Variants in HTT observed in about 807,000 individuals in gnomAD.
HTT encodes huntington disease protein.
HTT carries 104 observed loss-of-function variants against 362.3 expected under a neutral mutation model. The observed-to-expected ratio is 0.29, with a 90% confidence interval of 0.24 to 0.34. The LOEUF (loss-of-function observed/expected upper bound fraction) is 0.34. Ranked by LOEUF, HTT falls within the 10% of genes least tolerant of loss-of-function variation. The pLI is 1.00. For missense variants in HTT, 3,301 were observed against 3,928.6 expected, an observed-to-expected ratio of 0.84 and a Z score of 4.27; for synonymous variants, 1,577 against 1,548.7, an observed-to-expected ratio of 1.02 and a Z score of -0.43.
Position 3,130,346 on chromosome 4 carries a change from A to C in HTT, c.1909A>C (p.Arg637=). The part of the protein sequence containing the change: ...AHLLKNMSHC[R]QPSDSSVDKF... The stretch of plus-strand genomic sequence containing the variant: ...TTTATTGAAAAACATGAGTCACTGC[A>C]GGCAGCCTTCTGACAGCAGTGTTGA... Residue 637 remains arginine (R), a synonymous_variant, in exon 14 of 67, where the codon AGG becomes CGG. Coordinates refer to ENST00000355072, the MANE Select transcript of HTT (RefSeq NM_001388492.1). The C allele has an allele frequency of 1.2e-6, 2 of 1,607,542 alleles. No homozygotes were observed. Among genetic ancestry groups the C allele is most frequent in the Non-Finnish European group, 1.7e-6 (2 of 1,175,792 alleles).
chr4:3,091,876 A>G (rs1232006898), intron 2 of HTT, among the ~76,000 whole-genome samples: 4 of 152,240 alleles, frequency 2.6e-5, no homozygotes, highest in Non-Finnish European at 5.9e-5. Flanking sequence ...AGATTATTAT[A>G]TGTCTGACCT....
At chr4:3,167,031 G>T (rs995508117) in intron 29 of HTT, among the ~76,000 whole-genome samples, 1 of 152,220 alleles carries the variant, frequency 6.6e-6, no homozygotes, top group Non-Finnish European at 1.5e-5. Flanking sequence ...CGATCTCACT[G>T]GGAGCTGTAG....
At chr4:3,190,077 C>T (rs1013094881) in intron 40 of HTT, among the ~76,000 whole-genome samples, 1 of 152,072 alleles carries the variant, frequency 6.6e-6, no homozygotes. Flanking sequence ...ATCACAGTGG[C>T]TTATGCCTGT....
Position 3,229,012 on chromosome 4 carries a change from A to G in HTT, c.8109+3A>G, listed in dbSNP as rs1341851116. ...TGATCAGTGAGGTGGTCAGATCCGT[A>G]AGTGAGCCTTCCCATTCCCCTCACA... On this transcript the variant is annotated splice_donor_region_variant and intron_variant, in intron 59 of 66. Transcript: ENST00000355072. 1 of 1,610,748 alleles carries G rather than the reference A, an allele frequency of 6.2e-7. No homozygotes were observed. Among genetic ancestry groups the G allele is most frequent in the Non-Finnish European group, 8.5e-7 (1 of 1,177,366 alleles).
chr4:3,084,429 C>G (rs1051546859), intron 1 of HTT, among the ~76,000 whole-genome samples: 1 of 152,090 alleles, frequency 6.6e-6, no homozygotes, highest in African/African-American at 2.4e-5. Flanking sequence ...TGGCTCATGC[C>G]TGTAATCCCA....
chr4:3,137,086 T>C (rs1042042226), intron 21 of HTT, among the ~76,000 whole-genome samples: 1 of 152,020 alleles, frequency 6.6e-6, no homozygotes, highest in Non-Finnish European at 1.5e-5. Flanking sequence ...TTTTGTATTT[T>C]TAGTAGAGAC....
chr4:3,233,238 G>A lies in HTT; in HGVS notation c.8341G>A (p.Gly2781Arg). 6.2e-7 allele frequency: 1 copy of A among 1,609,212 alleles called. No individual in the cohort carries two copies. Among genetic ancestry groups the A allele is most frequent in the Non-Finnish European group, 8.5e-7 (1 of 1,176,450 alleles). Residue 2781 changes from glycine (G) to arginine (R), a missense_variant, in exon 61 of 67, where the codon GGA becomes AGA. Physicochemically the swap from Gly to Arg is moderately radical, Grantham distance 125. Transcript: ENST00000355072. ...LRSSHLPSRV[G>R]ALHGVLYVLE... is the part of the protein sequence containing the mutation. ...GAGCAGCCACCTGCCCAGCAGGGTT[G>A]GAGCCCTGCACGGCGTCCTCTATGT...
chr4:3,114,314 A>G (rs552551916), intron 6 of HTT, among the ~76,000 whole-genome samples: 3 of 152,330 alleles, frequency 2.0e-5, no homozygotes, highest in Admixed American at 2.0e-4. Context: ...CATTAGGGCC[A>G]TTATGAACAT....
intron 28 of HTT, among the ~76,000 whole-genome samples, chr4:3,159,598 G>C (rs895582646): frequency 1.3e-5 from 2 of 152,222 alleles, no homozygotes; most frequent in Non-Finnish European, 2.9e-5. Context: ...TCTGTCTCTT[G>C]CCTGCTTCTG....
chr4:3,117,186 C>T (rs1270409385), intron 8 of HTT, among the ~76,000 whole-genome samples: 2 of 152,032 alleles, frequency 1.3e-5, no homozygotes, highest in Non-Finnish European at 2.9e-5. Context: ...AACCAGCTGC[C>T]CTTTGGTTAT....
chr4:3,182,338 G>A lies in HTT; in HGVS notation c.4750-16G>A. ...TCTCTTGGCAGCAGACTTTCTAATT[G>A]TGCACGCTCTTATAGGTGTTGGAGA... On this transcript the variant is annotated splice_polypyrimidine_tract_variant and intron_variant, in intron 36 of 66. Coordinates refer to ENST00000355072, the MANE Select transcript of HTT (RefSeq NM_001388492.1). 6.4e-7 allele frequency: 1 copy of A among 1,553,320 alleles called. No individual in the cohort carries two copies.
At chr4:3,227,053 C>T (rs1038052721) in intron 57 of HTT, among the ~76,000 whole-genome samples, 2 of 152,224 alleles carry the variant, frequency 1.3e-5, no homozygotes, top group Non-Finnish European at 2.9e-5. Context: ...TCACTGGGTG[C>T]CTCTGGCCTT....
At chr4:3,150,050 C>G (rs1716801033) in intron 26 of HTT, among the ~76,000 whole-genome samples, 1 of 152,184 alleles carries the variant, frequency 6.6e-6, no homozygotes, top group Admixed American at 6.5e-5. Flanking sequence ...GTTCCCTTAC[C>G]CACTTGCCAC....
At chr4:3,090,338 G>A (rs1211647277) in intron 2 of HTT, among the ~76,000 whole-genome samples, 23 of 152,174 alleles carry the variant, frequency 1.5e-4, no homozygotes, top group Admixed American at 1.5e-3. Context: ...AGTAATGAAG[G>A]CACCTCACTG....
rs201724304 is a variant in HTT at position 3,121,430 on chromosome 4, T to C, written c.1271T>C (p.Ile424Thr). Reference sequence around the variant, plus strand: ...CGTAGTGGGAGTATTGTGGAACTTATAGGCAAGTTATTAGCAAGGTCTACT... The same window carrying C: ...CGTAGTGGGAGTATTGTGGAACTTACAGGCAAGTTATTAGCAAGGTCTACT... ...RSRSGSIVEL[I>T]AGGGSSCSPV... The change falls in exon 9 of 67, where the codon ATA becomes ACA. Residue 424 changes from isoleucine to threonine, a missense_variant and splice_region_variant. Physicochemically the swap from Ile to Thr is moderately conservative, Grantham distance 89 (BLOSUM62 -1). Coordinates refer to ENST00000355072, the MANE Select transcript of HTT (RefSeq NM_001388492.1). 1.8e-5 allele frequency: 29 copies of C among 1,608,996 alleles called. No homozygotes were observed. Among genetic ancestry groups the C allele is most frequent in the African/African-American group, 4.0e-5 (3 of 74,848 alleles).
intron 26 of HTT, among the ~76,000 whole-genome samples, chr4:3,153,176 G>A (rs1007571937): frequency 6.6e-6 from 1 of 152,096 alleles, no homozygotes; most frequent in African/African-American, 2.4e-5. Flanking sequence ...CATGTGGTGA[G>A]GGGGTGAGGA....
rs1338001820 is a variant in HTT, at chr4:3,074,931, CAGCAA to C, written c.107_111del (p.Gln36ProfsTer45). 336 of 1,490,768 alleles carry C rather than the reference CAGCAA, an allele frequency of 2.3e-4. 1 individual carries two copies. In the African/African-American group the frequency reaches 4.5e-3, roughly 20 times the overall value. 92.3% of individuals were successfully genotyped at this position (1,490,768 alleles called of 1,614,324 possible). Reference sequence around the variant, plus strand: ...GCAGCAGCAGCAGCAGCAGCAGCAGCAGCAACAGCCGCCACCGCCGCCGCCGCCGC... The same window carrying C: ...GCAGCAGCAGCAGCAGCAGCAGCAGCCAGCCGCCACCGCCGCCGCCGCCGC... On this transcript the variant is annotated frameshift_variant, in exon 1 of 67. Transcript: ENST00000355072. LOFTEE classifies it high-confidence loss of function.
chr4:3,144,981 G>C (rs1197118374), intron 23 of HTT, among the ~76,000 whole-genome samples, 171 bp from the exon 24 acceptor site: 1 of 152,190 alleles, frequency 6.6e-6, no homozygotes, highest in African/African-American at 2.4e-5. Context: ...ACGTGTTTGA[G>C]GTGTCTAAAG....
intron 50 of HTT, among the ~76,000 whole-genome samples, chr4:3,214,813 A>G (rs1322862586): frequency 7.2e-6 from 1 of 138,898 alleles, no homozygotes; most frequent in African/African-American, 3.2e-5. Context: ...TGATTTTGAT[A>G]GTATCTTGAG....
Sources: allele counts gnomAD v4.1 joint callset (sites outside exome capture counted in the v4.1 genomes callset), GRCh38; gene constraint gnomAD v4.1.1; transcripts MANE v1.5; gene names NCBI Gene and HGNC (gene_info 2026-07-23, HGNC 2026-07-21).